Variants in RYR2 observed in about 807,000 individuals in gnomAD.
RYR2 encodes the protein ryanodine receptor 2.
In RYR2, 227 loss-of-function variants were observed where a neutral mutation model predicts 601.1. That is an observed-to-expected ratio of 0.38 (90% CI 0.34 to 0.42). The LOEUF (loss-of-function observed/expected upper bound fraction) is 0.42. Ranked by LOEUF, RYR2 falls within the 10% of genes least tolerant of loss-of-function variation. The probability of loss-of-function intolerance (pLI) is 1.00; values close to 1 mark genes in which losing one functional copy is unlikely to be tolerated. For synonymous variants in RYR2, 2,223 were observed against 2,175.1 expected, an observed-to-expected ratio of 1.02 and a Z score of -0.61; for missense variants, 4,646 against 6,156.5, an observed-to-expected ratio of 0.75 and a Z score of 8.21.
chr1:237,135,280 T>C (rs1046069319), intron 1 of RYR2, among the ~76,000 whole-genome samples: 1 of 152,136 alleles, frequency 6.6e-6, no homozygotes, highest in Admixed American at 6.5e-5. Flanking sequence ...TGTAATAGAC[T>C]ATCTTGGGGA....
chr1:237,073,040 C>T (rs1419922140), intron 1 of RYR2, among the ~76,000 whole-genome samples: 5 of 151,684 alleles, frequency 3.3e-5, no homozygotes, highest in Non-Finnish European at 1.5e-5. Flanking sequence ...TTTCTATCTT[C>T]GCCCCACCGC....
chr1:237,207,900 C>G (rs557634194), intron 1 of RYR2, among the ~76,000 whole-genome samples: 11 of 152,314 alleles, frequency 7.2e-5, no homozygotes, highest in African/African-American at 2.6e-4. Flanking sequence ...AACCTGAGAG[C>G]ATATTAATCT....
intron 26 of RYR2, among the ~76,000 whole-genome samples, chr1:237,548,983 A>G (rs1346992372): frequency 1.3e-5 from 2 of 152,118 alleles, no homozygotes; most frequent in South Asian, 2.1e-4. Flanking sequence ...CAGTCTTTTT[A>G]TTTGGTTTTC....
chr1:237,689,323 A>G (rs1320815241), intron 63 of RYR2, among the ~76,000 whole-genome samples: 2 of 152,192 alleles, frequency 1.3e-5, no homozygotes, highest in African/African-American at 4.8e-5. Context: ...ATATACAACC[A>G]TTTAATCATA....
chr1:237,610,935 G>A lies in RYR2; in HGVS notation c.4857G>A (p.Val1619=), dbSNP rs770019478. ...TAAGTGAACGCCAAGGCTGGTTGGT[G>A]CAGTGTTTGGATCCTCTGCAGTTCA... ...SRISERQGWL[V]QCLDPLQFMS... Residue 1619 remains valine (V), a synonymous_variant, in exon 36 of 105, where the codon GTG becomes GTA. Coordinates refer to ENST00000366574, the MANE Select transcript of RYR2 (RefSeq NM_001035.3). This position sits in a 1 kb window ranked among gnomAD's most constrained non-coding sequence, Gnocchi z 4.9. The A allele has an allele frequency of 3.1e-6, 5 of 1,613,580 alleles. 1 individual carries two copies. The highest frequency in any genetic ancestry group is 4.2e-6 in the Non-Finnish European group (5 of 1,179,758).
intron 25 of RYR2, among the ~76,000 whole-genome samples, chr1:237,537,162 A>G (rs1668729501): frequency 6.6e-6 from 1 of 152,170 alleles, no homozygotes; most frequent in African/African-American, 2.4e-5. Flanking sequence ...ATCTTATAAG[A>G]CCCATTTCTT....
intron 1 of RYR2, among the ~76,000 whole-genome samples, chr1:237,093,235 C>T (rs576860786): frequency 4.6e-5 from 7 of 152,240 alleles, no homozygotes; most frequent in Non-Finnish European, 8.8e-5. Flanking sequence ...AATAACAAGC[C>T]GAGAACCTGA....
chr1:237,095,426 C>A (rs1667411605), intron 1 of RYR2, among the ~76,000 whole-genome samples: 1 of 152,202 alleles, frequency 6.6e-6, no homozygotes, highest in Non-Finnish European at 1.5e-5. Flanking sequence ...CACGTATTTA[C>A]AAAAAGTGTA....
At chr1:237,552,739 A>G (rs1374449242) in intron 27 of RYR2, among the ~76,000 whole-genome samples, 1 of 151,912 alleles carries the variant, frequency 6.6e-6, no homozygotes, top group Non-Finnish European at 1.5e-5. Flanking sequence ...GCATTCCTTA[A>G]ATAATAATAG....
At chr1:237,373,035 G>A (rs936846004) in intron 6 of RYR2, among the ~76,000 whole-genome samples, 4 of 152,098 alleles carry the variant, frequency 2.6e-5, no homozygotes, top group African/African-American at 7.2e-5. Flanking sequence ...TACTGTACTT[G>A]TTATTGAAAA....
At chr1:237,091,645 G>C (rs1255125222) in intron 1 of RYR2, among the ~76,000 whole-genome samples, 1 of 152,074 alleles carries the variant, frequency 6.6e-6, no homozygotes, top group Non-Finnish European at 1.5e-5. Context: ...GGCTGGTCTC[G>C]AACTTCTGGG....
intron 2 of RYR2, among the ~76,000 whole-genome samples, chr1:237,286,693 G>C (rs562386242): frequency 6.6e-6 from 1 of 151,594 alleles, no homozygotes; most frequent in East Asian, 1.9e-4. Flanking sequence ...GTTTATGTGA[G>C]TCCTTATGTA....
intron 47 of RYR2, 120 bp from the exon 48 acceptor site, chr1:237,643,207 T>C: frequency 8.2e-7 from 1 of 1,218,364 alleles, no homozygotes; most frequent in Non-Finnish European, 1.1e-6. Context: ...GGCATAACTT[T>C]ATGTATACAC....
chr1:237,608,411 A>G (rs746500915), intron 35 of RYR2, among the ~76,000 whole-genome samples: 8 of 152,138 alleles, frequency 5.3e-5, no homozygotes, highest in African/African-American at 9.7e-5. Flanking sequence ...AAGCAAAACA[A>G]TGGGAGAGGG....
At chr1:237,419,988 G>A (rs1181914568) in intron 11 of RYR2, among the ~76,000 whole-genome samples, 1 of 152,098 alleles carries the variant, frequency 6.6e-6, no homozygotes, top group Non-Finnish European at 1.5e-5. Flanking sequence ...TAATGCCAAT[G>A]TTTATATTCA....
intron 1 of RYR2, among the ~76,000 whole-genome samples, chr1:237,122,170 T>C (rs947764998): frequency 5.3e-5 from 8 of 152,202 alleles, no homozygotes; most frequent in Admixed American, 3.9e-4. Flanking sequence ...AGGCCGGGGA[T>C]GCCGAGGGGA....
At chr1:237,364,234 A>T in intron 4 of RYR2, 124 bp from the exon 5 acceptor site, 4 of 757,438 alleles carry the variant, frequency 5.3e-6, no homozygotes, top group Non-Finnish European at 4.0e-6. Context: ...GTTTTTTTTT[A>T]TGTTTATTGT....
At chr1:237,786,090 T>G in intron 91 of RYR2, 54 bp downstream of exon 91, 2 of 1,106,240 alleles carry the variant, frequency 1.8e-6, no homozygotes, top group Non-Finnish European at 2.7e-6. Context: ...ATTACATCTC[T>G]TTTTCTTGTA....
At chr1:237,697,110 TC>T (rs1687524666) in intron 63 of RYR2, among the ~76,000 whole-genome samples, 1 of 151,496 alleles carries the variant, frequency 6.6e-6, no homozygotes, top group Non-Finnish European at 1.5e-5. Context: ...TTGCTCTGAC[TC>T]CCTTAGCCAC....
Sources: gnomAD v4.1 joint callset for allele counts (sites outside exome capture counted in the v4.1 genomes callset) on GRCh38, gnomAD v4.1.1 for gene constraint, Gnocchi (gnomAD v3.1) non-coding constraint, MANE v1.5 for transcripts, NCBI Gene and HGNC (gene_info 2026-07-23, HGNC 2026-07-21) for gene names.